NDUFAF6: variants seen among roughly 807,000 people sequenced by gnomAD.
NDUFAF6 encodes the protein NADH:ubiquinone oxidoreductase complex assembly factor 6, also known as NADH dehydrogenase (ubiquinone) complex I, assembly factor 6.
Under a neutral mutation model 40.8 loss-of-function variants are expected in NDUFAF6, and 45 were observed. That is an observed-to-expected ratio of 1.10 (90% CI 0.87 to 1.42). The LOEUF (loss-of-function observed/expected upper bound fraction) is 1.42. Among genes scored for constraint, NDUFAF6 ranks in the 40% most tolerant of loss-of-function variants. The pLI, the probability that NDUFAF6 is intolerant of heterozygous loss-of-function variation, is 0.00. For missense variants in NDUFAF6, 435 were observed against 418.5 expected, an observed-to-expected ratio of 1.04 and a Z score of -0.34; for synonymous variants, 185 against 155.9, an observed-to-expected ratio of 1.19 and a Z score of -1.39.
chr8:94,945,080 C>G (rs1821874389), intron 1 of NDUFAF6, among the ~76,000 whole-genome samples: 1 of 152,148 alleles, frequency 6.6e-6, no homozygotes. Context: ...TTTCATTTTA[C>G]TATTTAATCC....
downstream of NDUFAF6, among the ~76,000 whole-genome samples, chr8:95,104,777 A>G (rs899779689): frequency 1.3e-5 from 2 of 152,158 alleles, 1 homozygote. Flanking sequence ...CCCTCACAGC[A>G]AGGTAGATTG....
chr8:95,091,097 C>T (rs1458959561), intron 2 of NDUFAF6, among the ~76,000 whole-genome samples: 1 of 148,848 alleles, frequency 6.7e-6, no homozygotes, highest in African/African-American at 2.5e-5. Flanking sequence ...CTCTAGAGAA[C>T]CTTGACTAAT....
At chr8:95,090,103 G>A (rs1809199286) in intron 2 of NDUFAF6, among the ~76,000 whole-genome samples, 1 of 151,712 alleles carries the variant, frequency 6.6e-6, no homozygotes, top group Admixed American at 6.6e-5. Flanking sequence ...TTTCTTAAGA[G>A]ACACCTTAAG....
At chr8:94,900,966 A>G (rs969418153) in intron 1 of NDUFAF6, among the ~76,000 whole-genome samples, 14 of 152,098 alleles carry the variant, frequency 9.2e-5, no homozygotes, top group African/African-American at 3.4e-4. Flanking sequence ...AGGGAGGGGG[A>G]ATGTCATAGA....
At chr8:95,003,317 C>T (rs1826819515) in intron 2 of NDUFAF6, among the ~76,000 whole-genome samples, 1 of 152,322 alleles carries the variant, frequency 6.6e-6, no homozygotes, top group South Asian at 2.1e-4. Flanking sequence ...TATTAAGTGC[C>T]ATTAGAACAC....
At chr8:94,922,004 G>GT (rs1298543169) in intron 1 of NDUFAF6, among the ~76,000 whole-genome samples, 5 of 151,442 alleles carry the variant, frequency 3.3e-5, no homozygotes, top group Admixed American at 6.6e-5. Flanking sequence ...GTGTTTTTTT[G>GT]TTTTTTTCTT....
At chr8:95,093,993 CA>C (rs749627921) in intron 2 of NDUFAF6, among the ~76,000 whole-genome samples, 17 of 151,972 alleles carry the variant, frequency 1.1e-4, no homozygotes, top group Non-Finnish European at 2.4e-4. Context: ...TTTTTTGAGA[CA>C]GCGTCTCACT....
At chr8:95,026,746 T>A (rs1289120678) in intron 1 of NDUFAF6, among the ~76,000 whole-genome samples, 1 of 152,218 alleles carries the variant, frequency 6.6e-6, no homozygotes, top group African/African-American at 2.4e-5. Flanking sequence ...AGGGATAGTC[T>A]GTGGATTTAC....
chr8:94,913,836 G>T (rs1818943025), intron 1 of NDUFAF6, among the ~76,000 whole-genome samples: 1 of 152,196 alleles, frequency 6.6e-6, no homozygotes, highest in Non-Finnish European at 1.5e-5. Context: ...CTGTCATCCA[G>T]GCTGGAGTGC....
At chr8:94,953,310 C>T (rs547247063), upstream of NDUFAF6, among the ~76,000 whole-genome samples, 3 of 151,450 alleles carry the variant, frequency 2.0e-5, no homozygotes, top group South Asian at 4.2e-4. Context: ...CGCACCATTG[C>T]ACTCCAGCCT....
upstream of NDUFAF6, among the ~76,000 whole-genome samples, chr8:95,020,454 G>A (rs1827645264): frequency 6.6e-6 from 1 of 152,130 alleles, no homozygotes; most frequent in Non-Finnish European, 1.5e-5. Flanking sequence ...AGCCTGTATG[G>A]TGCCTTGTTA....
intron 2 of NDUFAF6, among the ~76,000 whole-genome samples, chr8:94,952,969 G>A (rs1214372661): frequency 6.6e-6 from 1 of 152,220 alleles, no homozygotes; most frequent in East Asian, 1.9e-4. Flanking sequence ...CAGGCCTAGA[G>A]TATTTTCTCT....
intron 1 of NDUFAF6, among the ~76,000 whole-genome samples, chr8:95,026,209 T>C (rs1483425468): frequency 6.6e-6 from 1 of 152,190 alleles, no homozygotes; most frequent in Non-Finnish European, 1.5e-5. Context: ...GCTACACGCC[T>C]GTAATCTCCG....
intron 2 of NDUFAF6, among the ~76,000 whole-genome samples, chr8:95,082,021 GC>G (rs1183964098): frequency 6.6e-6 from 1 of 152,070 alleles, no homozygotes; most frequent in Non-Finnish European, 1.5e-5. Context: ...CCGAGATCGC[GC>G]CACTGCACTC....
intron 1 of NDUFAF6, among the ~76,000 whole-genome samples, chr8:94,959,805 G>A (rs1823413477): frequency 6.6e-6 from 1 of 152,190 alleles, no homozygotes; most frequent in Admixed American, 6.5e-5. Flanking sequence ...CTCCCAAAGT[G>A]CTGGGATTAT....
intron 1 of NDUFAF6, among the ~76,000 whole-genome samples, chr8:95,028,953 G>C (rs554090863): frequency 2.0e-5 from 3 of 152,286 alleles, no homozygotes; most frequent in African/African-American, 7.2e-5. Context: ...AGGTGAAACT[G>C]CTTAGGGTGA....
At chr8:95,072,084 A>T (rs1305808542) in intron 9 of NDUFAF6, 1 of 152,260 alleles carries the variant, frequency 6.6e-6, no homozygotes, top group Non-Finnish European at 1.5e-5. Context: ...TCTCACCCCC[A>T]GAAATTAATC....
chr8:94,935,396 G>A (rs1244211460), intron 1 of NDUFAF6, among the ~76,000 whole-genome samples: 1 of 152,156 alleles, frequency 6.6e-6, no homozygotes, highest in Admixed American at 6.5e-5. Flanking sequence ...TACTTTAGTG[G>A]GTGGGAGCAA....
chr8:94,953,950 T>A (rs1231410041), upstream of NDUFAF6, among the ~76,000 whole-genome samples: 1 of 152,204 alleles, frequency 6.6e-6, no homozygotes, highest in Admixed American at 6.5e-5. Context: ...CAAGGCAAGG[T>A]TTTTTATTTC....
Sources: allele counts gnomAD v4.1 joint callset (sites outside exome capture counted in the v4.1 genomes callset), GRCh38; gene constraint gnomAD v4.1.1; transcripts MANE v1.5; gene names NCBI Gene and HGNC (gene_info 2026-07-23, HGNC 2026-07-21).